Variants in PRR14L observed in about 807,000 individuals in gnomAD.
PRR14L encodes protein PRR14L.
A neutral mutation model predicts 155.0 loss-of-function variants in PRR14L; 80 were observed. That is an observed-to-expected ratio of 0.52 (90% CI 0.43 to 0.62). PRR14L has a LOEUF of 0.62. Ranked by LOEUF, PRR14L falls within the 20% of genes least tolerant of loss-of-function variation. The pLI, the probability that PRR14L is intolerant of heterozygous loss-of-function variation, is 0.00. For missense variants in PRR14L, 2,469 were observed against 2,548.0 expected (o/e 0.97, Z 0.67); for synonymous variants, 883 against 916.0 (o/e 0.96, Z 0.65).
In PRR14L at chr22:31,716,565, C is replaced by T; in HGVS notation, c.1274G>A (p.Ser425Asn). 1 of 1,548,644 alleles carries T rather than the reference C, an allele frequency of 6.5e-7. No individual in the cohort carries two copies. Among genetic ancestry groups the T allele is most frequent in the Non-Finnish European group, 8.7e-7 (1 of 1,146,264 alleles). The change falls in exon 4 of 9, where the codon AGT becomes AAT. Residue 425 changes from serine to asparagine, a missense_variant. Physicochemically the swap from Ser to Asn is conservative, Grantham distance 46. This residue lies in a region of PRR14L where 2,363 missense variants were observed against 2,371.6 expected (regional missense o/e 1.00). Transcript: ENST00000327423. ...CTCTTTTTCACCAGAACAACGACCA[C>T]TAATCTCCTTTTCTGGTTCCCTGGC... is the stretch of plus-strand genomic sequence containing the variant. Reference protein sequence around the residue: ...FNAREPEKEISGRCSGEKEPV... With the variant: ...FNAREPEKEINGRCSGEKEPV...
At chr22:31,686,265 ATT>A (rs1016161380) in intron 8 of PRR14L, among the ~76,000 whole-genome samples, 1,612 of 136,280 alleles carry the variant, frequency 0.012, 28 homozygotes, top group African/African-American at 0.04. Flanking sequence ...CGCCCGGCTA[ATT>A]TTTTTTTTTT....
intron 2 of PRR14L, among the ~76,000 whole-genome samples, chr22:31,727,959 A>G (rs1242177058): frequency 6.6e-6 from 1 of 151,826 alleles, no homozygotes; most frequent in Admixed American, 6.6e-5. Flanking sequence ...AGCCTGGGCA[A>G]CAAAGCAAGT....
rs563996872 is a variant in PRR14L at position 31,687,282 on chromosome 22, C to T, written c.6179+874G>A. On this transcript the variant is annotated intron_variant, in intron 8 of 8. Transcript: ENST00000327423. ...AACTCCTGACCTCAGGTGATTTGCC[C>T]GCCTTGGCCTCCCAAAGTGCTTGAA... Among the ~76,000 whole-genome samples, 13 of 151,932 alleles carry T rather than the reference C, an allele frequency of 8.6e-5. No homozygotes were observed. The South Asian group carries it at 1.9e-3, about 22-fold the overall frequency.
chr22:31,737,633 A>G (rs2074789412), intron 2 of PRR14L, among the ~76,000 whole-genome samples: 1 of 151,888 alleles, frequency 6.6e-6, no homozygotes, highest in Non-Finnish European at 1.5e-5. Flanking sequence ...ATTAAAAAAA[A>G]AAAAAGAAGA....
At position 31,714,242 on chromosome 22, in the gene PRR14L, T is replaced by A. The variant is rs954493128; in HGVS notation, c.3597A>T (p.Gly1199=). 8 of 1,551,444 alleles carry A rather than the reference T, an allele frequency of 5.2e-6. No homozygotes were observed. The African/African-American group carries it at 1.1e-4, about 21-fold the overall frequency. ...SLRETQEMTE[G]SRLEPNSEFG... is the part of the protein sequence containing the mutation. The stretch of plus-strand genomic sequence containing the variant: ...ACTCAGAGTTTGGTTCTAGTCTTGA[T>A]CCTTCAGTCATTTCTTGTGTTTCTC... Residue 1199 remains glycine, a synonymous_variant, in exon 4 of 9, where the codon GGA becomes GGT. Coordinates refer to ENST00000327423, the MANE Select transcript of PRR14L (RefSeq NM_173566.3).
intron 7 of PRR14L, among the ~76,000 whole-genome samples, chr22:31,697,851 G>A (rs1418917174): frequency 1.3e-5 from 2 of 151,878 alleles, no homozygotes; most frequent in Non-Finnish European, 2.9e-5. Flanking sequence ...CAGCCTGAGC[G>A]AGACCTTGTC....
At chr22:31,722,645 C>A (rs1047267548) in intron 3 of PRR14L, among the ~76,000 whole-genome samples, 1 of 151,630 alleles carries the variant, frequency 6.6e-6, no homozygotes, top group African/African-American at 2.4e-5. Context: ...GCCTCAGCCT[C>A]CCAAGTAGCT....
At chr22:31,735,838 C>T (rs890025519) in intron 2 of PRR14L, among the ~76,000 whole-genome samples, 3 of 151,708 alleles carry the variant, frequency 2.0e-5, no homozygotes, top group Non-Finnish European at 2.9e-5. Flanking sequence ...CACCTGAGGT[C>T]GGGAGTTCGA....
chr22:31,722,555 C>A (rs1340493713), intron 3 of PRR14L, among the ~76,000 whole-genome samples: 1 of 143,122 alleles, frequency 7.0e-6, no homozygotes, highest in Admixed American at 7.1e-5. Context: ...CGGAGTCTTG[C>A]TCTGCTGCCC....
chr22:31,715,904 T>A lies in PRR14L; in HGVS notation c.1935A>T (p.Lys645Asn), dbSNP rs2064695833. The change falls in exon 4 of 9, where the codon AAA (lysine) becomes AAT (asparagine). Residue 645 changes from lysine to asparagine, a missense_variant. Physicochemically the swap from Lys to Asn is moderately conservative, Grantham distance 94. This residue lies in a region of PRR14L where 2,363 missense variants were observed against 2,371.6 expected (regional missense o/e 1.00). Coordinates refer to ENST00000327423, the MANE Select transcript of PRR14L (RefSeq NM_173566.3). Reference sequence around the variant, plus strand: ...GATTTAAAACACATTCACTTTCTACTTTGTTTACAACCAGTTCATTGGTAC... The same window carrying A: ...GATTTAAAACACATTCACTTTCTACATTGTTTACAACCAGTTCATTGGTAC... Reference protein sequence around the residue: ...LSCTNELVVNKVESECVLNQQ... With the variant: ...LSCTNELVVNNVESECVLNQQ... 1 of 1,551,562 alleles carries A rather than the reference T, an allele frequency of 6.4e-7. No homozygotes were observed. Among genetic ancestry groups the A allele is most frequent in the South Asian group, 1.2e-5 (1 of 84,062 alleles).
chr22:31,731,836 A>C (rs2074751936), intron 2 of PRR14L, among the ~76,000 whole-genome samples: 1 of 152,180 alleles, frequency 6.6e-6, no homozygotes, highest in Non-Finnish European at 1.5e-5. Context: ...GATATAGTCG[A>C]ATTACTGTTT....
Position 31,714,673 on chromosome 22 carries a change from C to T in PRR14L, c.3166G>A (p.Val1056Ile), listed in dbSNP as rs774088157. The change falls in exon 4 of 9, where the codon GTC (valine) becomes ATC (isoleucine). Residue 1056 changes from valine to isoleucine, a missense_variant. Coordinates refer to ENST00000327423, the MANE Select transcript of PRR14L (RefSeq NM_173566.3). ...DESTEGMVDIVYTDCSNKLAE... is the reference protein window; with the variant it reads ...DESTEGMVDIIYTDCSNKLAE... ...AGCTTATTACTACAGTCCGTGTAGA[C>T]GATGTCTACCATACCTTCTGTGGAC... 5.3e-5 allele frequency: 83 copies of T among 1,552,134 alleles called. No individual in the cohort carries two copies. Among genetic ancestry groups the T allele is most frequent in the East Asian group, 2.4e-5 (1 of 40,938 alleles).
At chr22:31,710,103 A>T (rs576060145) in intron 4 of PRR14L, among the ~76,000 whole-genome samples, 5 of 151,450 alleles carry the variant, frequency 3.3e-5, no homozygotes, top group Non-Finnish European at 7.4e-5. Context: ...ACTATGCCTG[A>T]CTAATTTTTG....
intron 1 of PRR14L, among the ~76,000 whole-genome samples, chr22:31,742,170 A>G (rs563552844): frequency 6.6e-6 from 1 of 152,292 alleles, no homozygotes; most frequent in African/African-American, 2.4e-5. Flanking sequence ...GCAGGAAAGG[A>G]TATTGTAAAA....
chr22:31,727,824 A>G (rs1397324744), intron 2 of PRR14L, among the ~76,000 whole-genome samples: 2 of 151,738 alleles, frequency 1.3e-5, no homozygotes, highest in Non-Finnish European at 2.9e-5. Context: ...TCTACTAAAA[A>G]TACAAAAATT....
At chr22:31,711,962 T>C (rs906780288) in intron 4 of PRR14L, 121 bp downstream of exon 4, 2 of 920,652 alleles carry the variant, frequency 2.2e-6, no homozygotes, top group Non-Finnish European at 1.6e-6. Flanking sequence ...GCAAGGTAAA[T>C]AGAAAATGCA....
Position 31,712,876 on chromosome 22 carries a change from T to C in PRR14L, c.4963A>G (p.Arg1655Gly), listed in dbSNP as rs777847782. 2 of 1,551,934 alleles carry C rather than the reference T, an allele frequency of 1.3e-6. No homozygotes were observed. Among genetic ancestry groups the C allele is most frequent in the South Asian group, 2.4e-5 (2 of 84,062 alleles). The change falls in exon 4 of 9, where the codon AGA (arginine) becomes GGA (glycine). Residue 1655 changes from arginine to glycine, a missense_variant. By Grantham distance (125) the Arg-to-Gly change is moderately radical. This residue lies in a region of PRR14L where 2,363 missense variants were observed against 2,371.6 expected (regional missense o/e 1.00). Coordinates refer to ENST00000327423, the MANE Select transcript of PRR14L (RefSeq NM_173566.3). ...LPMAKSYKRL[R>G]YKRLLDGFSS... The stretch of plus-strand genomic sequence containing the variant: ...AATCCGTCCAGGAGTCTTTTATATC[T>C]GAGGCGCTTGTAGCTTTTAGCCATT...
chr22:31,748,372 G>C (rs2074851983), intron 1 of PRR14L, among the ~76,000 whole-genome samples: 1 of 152,146 alleles, frequency 6.6e-6, no homozygotes, highest in South Asian at 2.1e-4. Context: ...AATCTCTAAA[G>C]CATCAAGGAC....
chr22:31,733,322 T>TTTTA (rs2074760748), intron 2 of PRR14L, among the ~76,000 whole-genome samples: 1 of 105,686 alleles, frequency 9.5e-6, no homozygotes, highest in African/African-American at 4.0e-5. Flanking sequence ...TTTTTTTTTT[T>TTTTA]GAGACGGAGT....
Sources: allele counts gnomAD v4.1 joint callset (sites outside exome capture counted in the v4.1 genomes callset), GRCh38; gene constraint gnomAD v4.1.1; regional missense constraint gnomAD v4.1.1; transcripts MANE v1.5; gene names NCBI Gene and HGNC (gene_info 2026-07-23, HGNC 2026-07-21).